Variants in CIITA observed in about 807,000 individuals in gnomAD.
CIITA encodes the protein MHC class II transactivator.
CIITA carries 72 observed loss-of-function variants against 115.1 expected under a neutral mutation model. That is an observed-to-expected ratio of 0.63 (90% confidence interval 0.52 to 0.76). The LOEUF is 0.76. Ranked by LOEUF, CIITA falls within the 30% of genes least tolerant of loss-of-function variation. The pLI is 0.00. For synonymous variants in CIITA, 763 were observed against 635.6 expected (o/e 1.20, Z -3.02); for missense variants, 1,617 against 1,463.8 (o/e 1.10, Z -1.71).
chr16:10,872,887 G>T (rs1891960396), upstream of CIITA, among the ~76,000 whole-genome samples: 1 of 152,218 alleles, frequency 6.6e-6, no homozygotes, highest in Admixed American at 6.5e-5. Context: ...TCATCCATTT[G>T]GAACTGGAGG....
At chr16:10,909,220 G>A (rs201313325) in intron 12 of CIITA, 33 bp downstream of exon 12, 75 of 1,609,972 alleles carry the variant, frequency 4.7e-5, no homozygotes, top group African/African-American at 1.1e-4. Flanking sequence ...GGTGGTTCAC[G>A]CCATGCAGGT....
At chr16:10,902,451 G>A (rs557888281) in intron 7 of CIITA, among the ~76,000 whole-genome samples, 152 of 152,264 alleles carry the variant, frequency 1.0e-3, no homozygotes, top group African/African-American at 3.4e-3. Flanking sequence ...AGCCTTATTC[G>A]TTCATCAGCT....
chr16:10,872,588 C>T (rs951108202), upstream of CIITA, among the ~76,000 whole-genome samples: 2 of 152,210 alleles, frequency 1.3e-5, no homozygotes, highest in Admixed American at 6.5e-5. Context: ...CAAAGTATTT[C>T]CCTGCATTCC....
chr16:10,885,777 C>T (rs1191798493), intron 1 of CIITA, among the ~76,000 whole-genome samples: 1 of 152,200 alleles, frequency 6.6e-6, no homozygotes, highest in Non-Finnish European at 1.5e-5. Context: ...TTGTGAACAT[C>T]TATAGGTACC....
intron 1 of CIITA, among the ~76,000 whole-genome samples, chr16:10,881,228 T>G (rs1310040243): frequency 1.3e-5 from 2 of 149,194 alleles, no homozygotes; most frequent in African/African-American, 2.5e-5. Flanking sequence ...ACCCGAGAGG[T>G]GGAGGTTACC....
upstream of CIITA, among the ~76,000 whole-genome samples, chr16:10,872,283 G>A (rs949544204): frequency 4.6e-5 from 7 of 151,578 alleles, no homozygotes; most frequent in Non-Finnish European, 7.4e-5. Context: ...CCACCATGCC[G>A]AGCTAATTTT....
At chr16:10,909,987 A>G (rs1011099292) in intron 12 of CIITA, among the ~76,000 whole-genome samples, 2 of 152,114 alleles carry the variant, frequency 1.3e-5, no homozygotes, top group African/African-American at 4.8e-5. Context: ...CTCCTGCCTC[A>G]GCCTCCCAAA....
chr16:10,904,821 T>C lies in CIITA; in HGVS notation c.1006+9T>C, dbSNP rs764688829. 3 of 1,614,136 alleles carry C rather than the reference T, an allele frequency of 1.9e-6. No individual in the cohort carries two copies. The highest frequency in any genetic ancestry group is 1.6e-4 in the Middle Eastern group (1 of 6,062). On this transcript the variant is annotated intron_variant, in intron 10 of 19. Coordinates refer to ENST00000324288, the MANE Select transcript of CIITA (RefSeq NM_000246.4). Reference sequence around the variant, plus strand: ...GCTTCCAAAATGGCCTGGTGAGTGATGCGGGATCTCTCTGCCCTGGGTGGT... The same window carrying C: ...GCTTCCAAAATGGCCTGGTGAGTGACGCGGGATCTCTCTGCCCTGGGTGGT...
Position 10,901,572 on chromosome 16 carries a change from G to A in CIITA, c.481+14G>A. The A allele has an allele frequency of 6.2e-7, 1 of 1,613,592 alleles. No homozygotes were observed. The highest frequency in any genetic ancestry group is 8.5e-7 in the Non-Finnish European group (1 of 1,179,826). On this transcript the variant is annotated intron_variant, in intron 6 of 19. Coordinates refer to ENST00000324288, the MANE Select transcript of CIITA (RefSeq NM_000246.4). The surrounding 1 kb of genome is among the most constrained non-coding windows in gnomAD (Gnocchi z 6.8). ...ACTGGAAGCCAGGTGTGCAGGGCAG[G>A]TGGGCTGGGGTTGGGAAGGGTGGAT...
intron 10 of CIITA, among the ~76,000 whole-genome samples, chr16:10,905,998 G>A (rs1277619898): frequency 1.3e-5 from 2 of 152,144 alleles, no homozygotes; most frequent in African/African-American, 4.8e-5. Context: ...ACCAGCCTGG[G>A]CAAAATAGTG....
Position 10,879,100 on chromosome 16 carries a change from G to T in CIITA, c.52+1718G>T. On this transcript the variant is annotated intron_variant, in intron 1 of 19. Transcript: ENST00000324288. This position sits in a 1 kb window ranked among gnomAD's most constrained non-coding sequence, Gnocchi z 4.3. ...AGGTCGGGCTGAGAATCGAGGCTCC[G>T]AGACTGTCAGCTACTTGCTCAAGGT... 1 of 191,024 alleles carries T rather than the reference G, an allele frequency of 5.2e-6. No individual in the cohort carries two copies. Among genetic ancestry groups the T allele is most frequent in the Non-Finnish European group, 1.1e-5 (1 of 91,194 alleles). The allele number at this position is 191,024 out of a possible 1,614,324, so 11.8% of individuals were successfully genotyped here. A position where few individuals can be genotyped will look rare whatever the true frequency, so the allele number is the denominator to read the frequency against.
At chr16:10,902,250 T>C in intron 7 of CIITA, 66 bp downstream of exon 7, 1 of 1,597,774 alleles carries the variant, frequency 6.3e-7, no homozygotes. Context: ...GAGTTGACAC[T>C]AAGGCAGGGA....
rs1293838283 is a variant in CIITA at position 10,930,426 on chromosome 16, C to T, written c.*6571C>T. ...ACTAAATGCCAGTAGCACCCCTGGCCACTGGAACAACTAAAAATGCCCTCC... is the reference window on the plus strand; with the variant it reads ...ACTAAATGCCAGTAGCACCCCTGGCTACTGGAACAACTAAAAATGCCCTCC... On this transcript the variant is annotated 3_prime_UTR_variant, in exon 20 of 20. Transcript: ENST00000324288. 1.3e-5 allele frequency: 2 copies of T among 152,178 alleles called. No individual in the cohort carries two copies. The highest frequency in any genetic ancestry group is 4.8e-5 in the African/African-American group (2 of 41,440). 9.4% of individuals were successfully genotyped at this position (152,178 alleles called of 1,614,324 possible). A position where few individuals can be genotyped will look rare whatever the true frequency, so the allele number is the denominator to read the frequency against.
chr16:10,941,578 A>T lies in CIITA; in HGVS notation n.704A>T. 6.9e-7 allele frequency: 1 copy of T among 1,457,742 alleles called. No homozygotes were observed. Among genetic ancestry groups the T allele is most frequent in the Non-Finnish European group, 9.1e-7 (1 of 1,104,192 alleles). 90.3% of individuals were successfully genotyped at this position (1,457,742 alleles called of 1,614,324 possible). ...CAGAGAGGGCACTTACAGGCCTCGG[A>T]GGCAGGGGAGGGTCTCCTCCTGGGG... On this transcript the variant is annotated non_coding_transcript_exon_variant, in exon 2 of 2. Transcript: ENST00000573379. This position sits in a 1 kb window ranked among gnomAD's most constrained non-coding sequence, Gnocchi z 6.4.
rs1318163666 is a variant in CIITA, at chr16:10,933,731, C to T, written c.*9876C>T. On this transcript the variant is annotated 3_prime_UTR_variant, in exon 20 of 20. Coordinates refer to ENST00000324288, the MANE Select transcript of CIITA (RefSeq NM_000246.4). ...TAGGGGCCTTCTGAAAGCAGCAGCA[C>T]TTTTCCTCCTTCAAAGACCTTGCCT... 3.9e-5 allele frequency: 6 copies of T among 152,386 alleles called. No individual in the cohort carries two copies. Among genetic ancestry groups the T allele is most frequent in the African/African-American group, 1.4e-4 (6 of 41,574 alleles). The allele number at this position is 152,386 out of a possible 1,614,324, so 9.4% of individuals were successfully genotyped here. A position where few individuals can be genotyped will look rare whatever the true frequency, so the allele number is the denominator to read the frequency against.
chr16:10,915,034 C>A (rs1421289945), intron 13 of CIITA: 1 of 456,220 alleles, frequency 2.2e-6, no homozygotes, highest in South Asian at 1.6e-5. Flanking sequence ...CCCAACTTAC[C>A]TCTTTTTCTT....
Position 10,895,302 on chromosome 16 carries a change from A to G in CIITA, c.73A>G (p.Met25Val). ...EPQGSSQCAT[M>V]ELGPLEGGYL... ...CCCAGGCAGCTCACAGTGTGCCACC[A>G]TGGAGTTGGGGCCCCTAGAAGGTGG... The change falls in exon 2 of 20, where the codon ATG becomes GTG. Residue 25 changes from methionine (M) to valine (V), a missense_variant. By Grantham distance (21) the Met-to-Val change is conservative. Transcript: ENST00000324288. 1.2e-6 allele frequency: 2 copies of G among 1,613,936 alleles called. No individual in the cohort carries two copies. Among genetic ancestry groups the G allele is most frequent in the African/African-American group, 1.3e-5 (1 of 74,982 alleles).
At chr16:10,881,752 G>C (rs935283219) in intron 1 of CIITA, among the ~76,000 whole-genome samples, 1 of 152,044 alleles carries the variant, frequency 6.6e-6, no homozygotes, top group East Asian at 1.9e-4. Flanking sequence ...AAACTGTTGT[G>C]CAACCTCCGC....
chr16:10,909,036 T>C lies in CIITA; in HGVS notation c.2665T>C (p.Leu889=). ...GAGGCCCTCCCTCCACAGGGCTGCC[T>C]TGAGCGACACGGTGGCGCTGTGGGA... ...LSCVTRFRAA[L]SDTVALWESL... is the part of the protein sequence containing the mutation. The change falls in exon 12 of 20, where the codon TTG becomes CTG. Residue 889 remains leucine, a synonymous_variant. Transcript: ENST00000324288. 6.2e-7 allele frequency: 1 copy of C among 1,614,148 alleles called. No homozygotes were observed.
Sources: allele counts gnomAD v4.1 joint callset (sites outside exome capture counted in the v4.1 genomes callset), GRCh38; gene constraint gnomAD v4.1.1; non-coding constraint Gnocchi (gnomAD v3.1); transcripts MANE v1.5; gene names NCBI Gene and HGNC (gene_info 2026-07-23, HGNC 2026-07-21).